The following PTPRT variants were observed in gnomAD, a reference collection of about 807,000 sequenced individuals.
PTPRT encodes the protein protein tyrosine phosphatase receptor type T, also known as receptor-type tyrosine-protein phosphatase T.
In PTPRT, 56 loss-of-function variants were observed where a neutral mutation model predicts 176.8. The observed-to-expected ratio is 0.32, with a 90% CI of 0.26 to 0.40. The LOEUF (loss-of-function observed/expected upper bound fraction) is 0.40. Ranked by LOEUF, PTPRT falls within the 10% of genes least tolerant of loss-of-function variation. The pLI, the probability that PTPRT is intolerant of heterozygous loss-of-function variation, is 1.00. For synonymous variants in PTPRT, 783 were observed against 739.0 expected (o/e 1.06, Z -0.96); for missense variants, 1,540 against 1,908.2 (o/e 0.81, Z 3.60).
At chr20:42,951,385 A>T (rs1482054220) in intron 1 of PTPRT, among the ~76,000 whole-genome samples, 3 of 149,096 alleles carry the variant, frequency 2.0e-5, no homozygotes, top group Non-Finnish European at 4.5e-5. Flanking sequence ...GGATAGATGA[A>T]TAAATAGATG....
chr20:42,210,127 G>A (rs1463586033), intron 15 of PTPRT, among the ~76,000 whole-genome samples: 1 of 152,230 alleles, frequency 6.6e-6, no homozygotes, highest in East Asian at 1.9e-4. Flanking sequence ...TCAATAAATT[G>A]GGTATTAATG....
At chr20:42,780,367 C>G in intron 3 of PTPRT, 68 bp from the exon 4 acceptor site, 1 of 1,226,790 alleles carries the variant, frequency 8.2e-7, no homozygotes, top group Non-Finnish European at 1.2e-6. Context: ...AGAAGCTGCC[C>G]GGCCCCCAGC....
At chr20:43,184,549 T>A (rs2015342501) in intron 1 of PTPRT, among the ~76,000 whole-genome samples, 1 of 152,096 alleles carries the variant, frequency 6.6e-6, no homozygotes, top group Non-Finnish European at 1.5e-5. Context: ...TACCTGGGCA[T>A]GGTGGCGTGC....
chr20:42,747,442 T>C (rs1349111925), intron 6 of PTPRT, among the ~76,000 whole-genome samples: 1 of 151,898 alleles, frequency 6.6e-6, no homozygotes. Context: ...AATCCACAAA[T>C]AGATGTAAAT....
chr20:42,250,165 T>G (rs1419703479), intron 13 of PTPRT, among the ~76,000 whole-genome samples: 1 of 152,212 alleles, frequency 6.6e-6, no homozygotes, highest in Non-Finnish European at 1.5e-5. Flanking sequence ...TAGTTATTTG[T>G]TTTCACATCT....
At chr20:43,128,204 C>T (rs1196046341) in intron 1 of PTPRT, among the ~76,000 whole-genome samples, 2 of 152,186 alleles carry the variant, frequency 1.3e-5, no homozygotes, top group African/African-American at 4.8e-5. Flanking sequence ...CAGATGAAGC[C>T]AGCCCAAGGC....
chr20:42,816,581 T>G lies in PTPRT; in HGVS notation c.215-25115A>C, dbSNP rs190080581. Among the ~76,000 whole-genome samples, 19 of 152,316 alleles carry G rather than the reference T, an allele frequency of 1.2e-4. No individual in the cohort carries two copies. The East Asian group carries it at 3.1e-3, about 25-fold the overall frequency. ...TCAGAGGGAGGTTTCCCCCATGCTG[T>G]TCTCATGATAGTGAGTGAATTCTCA... On this transcript the variant is annotated intron_variant, in intron 2 of 30. Transcript: ENST00000373187.
intron 2 of PTPRT, among the ~76,000 whole-genome samples, chr20:42,878,888 GC>G (rs2078973083): frequency 6.6e-6 from 1 of 152,132 alleles, no homozygotes; most frequent in African/African-American, 2.4e-5. Flanking sequence ...AATTAGCTGG[GC>G]CTGGTGGTGG....
intron 7 of PTPRT, among the ~76,000 whole-genome samples, chr20:42,617,357 AT>A (rs1211917696): frequency 7.4e-6 from 1 of 135,510 alleles, no homozygotes; most frequent in Non-Finnish European, 1.5e-5. Flanking sequence ...TTTATTGAGG[AT>A]TTTTGCCTCA....
At chr20:42,962,806 G>A (rs1339881511) in intron 1 of PTPRT, among the ~76,000 whole-genome samples, 3 of 151,958 alleles carry the variant, frequency 2.0e-5, no homozygotes, top group African/African-American at 4.8e-5. Context: ...GGTGGCTCAC[G>A]CCTGTACTCC....
At chr20:42,365,367 C>T (rs1461931963) in intron 9 of PTPRT, among the ~76,000 whole-genome samples, 1 of 152,110 alleles carries the variant, frequency 6.6e-6, no homozygotes, top group African/African-American at 2.4e-5. Context: ...AATTTTAACT[C>T]TACAGATGTG....
intron 1 of PTPRT, 117 bp from the exon 2 acceptor site, chr20:42,886,049 C>CTTTATATATATATATATATATATATATA (rs58536258): frequency 2.1e-5 from 9 of 431,242 alleles, no homozygotes; most frequent in African/African-American, 1.8e-4. Context: ...AGAAGATTTT[C>CTTTATATATATATATATATATATATATA]CATATATATA....
chr20:42,329,094 G>A (rs570696526), intron 11 of PTPRT, among the ~76,000 whole-genome samples: 30 of 152,218 alleles, frequency 2.0e-4, no homozygotes, highest in Non-Finnish European at 3.2e-4. Context: ...TTTTAACAAG[G>A]TAGCTATGGA....
intron 11 of PTPRT, among the ~76,000 whole-genome samples, chr20:42,338,374 G>C (rs1201869386): frequency 6.6e-6 from 1 of 152,164 alleles, no homozygotes; most frequent in Non-Finnish European, 1.5e-5. Flanking sequence ...AGGCCAATGA[G>C]AGAACTCCTG....
chr20:43,163,586 C>T lies in PTPRT; in HGVS notation c.88+26060G>A, dbSNP rs188351297. Among the ~76,000 whole-genome samples, 3 of 151,482 alleles carry T rather than the reference C, an allele frequency of 2.0e-5. No individual in the cohort carries two copies. The East Asian group carries it at 5.8e-4, about 29-fold the overall frequency. ...CCAGGAGGCAGAGCTTGCAGTGAGC[C>T]GAGATCATGCCACTGCACTCCAGCC... On this transcript the variant is annotated intron_variant, in intron 1 of 30. Transcript: ENST00000373187.
chr20:42,941,081 C>CAAA (rs540543601), intron 1 of PTPRT, among the ~76,000 whole-genome samples: 1,772 of 148,024 alleles, frequency 0.012, 28 homozygotes, highest in African/African-American at 0.039. Flanking sequence ...GACTCCATCT[C>CAAA]AAAAAAAAAT....
At chr20:42,770,739 C>T (rs750227126) in intron 5 of PTPRT, among the ~76,000 whole-genome samples, 32 of 152,178 alleles carry the variant, frequency 2.1e-4, no homozygotes, top group Non-Finnish European at 2.8e-4. Context: ...AACCACGTAC[C>T]AAGAACCTAA....
chr20:42,809,799 T>C (rs1327739497), intron 2 of PTPRT, among the ~76,000 whole-genome samples: 1 of 152,178 alleles, frequency 6.6e-6, no homozygotes, highest in Non-Finnish European at 1.5e-5. Context: ...CCACCCTAAA[T>C]CCAGGATAAC....
At chr20:42,684,752 C>T (rs1393337315) in intron 6 of PTPRT, among the ~76,000 whole-genome samples, 3 of 152,014 alleles carry the variant, frequency 2.0e-5, no homozygotes, top group Non-Finnish European at 4.4e-5. Context: ...AGAAAAATTC[C>T]CATAAGCCTT....
Sources: allele counts gnomAD v4.1 joint callset (sites outside exome capture counted in the v4.1 genomes callset), GRCh38; gene constraint gnomAD v4.1.1; transcripts MANE v1.5; gene names NCBI Gene and HGNC (gene_info 2026-07-23, HGNC 2026-07-21).